COL28A1: variants seen among roughly 807,000 people sequenced by gnomAD.
COL28A1 encodes collagen alpha-1(XXVIII) chain.
In COL28A1, 161 loss-of-function variants were observed where a neutral mutation model predicts 150.2. That is an observed-to-expected ratio of 1.07 (90% CI 0.94 to 1.22). The LOEUF is 1.22. COL28A1 is among the 50% of genes most tolerant of loss of function. The pLI, the probability that COL28A1 is intolerant of heterozygous loss-of-function variation, is 0.00. For missense variants in COL28A1, 1,617 were observed against 1,388.3 expected, an observed-to-expected ratio of 1.16 and a Z score of -2.62; for synonymous variants, 552 against 469.7, an observed-to-expected ratio of 1.18 and a Z score of -2.26.
chr7:7,425,071 T>A (rs535252971), intron 25 of COL28A1, among the ~76,000 whole-genome samples: 4 of 151,870 alleles, frequency 2.6e-5, no homozygotes, highest in African/African-American at 9.7e-5. Flanking sequence ...AAAACTATTA[T>A]AATAAATAAT....
At chr7:7,517,950 A>T in intron 6 of COL28A1, 113 bp from the exon 7 acceptor site, 4 of 1,178,450 alleles carry the variant, frequency 3.4e-6, no homozygotes, top group African/African-American at 1.6e-5. Context: ...AAACATCTTT[A>T]GTCTTTCCCG....
At chr7:7,457,247 G>A (rs1376105607) in intron 15 of COL28A1, among the ~76,000 whole-genome samples, 1 of 152,190 alleles carries the variant, frequency 6.6e-6, no homozygotes, top group African/African-American at 2.4e-5. Flanking sequence ...CCATCTGGAA[G>A]CTGTATGGAG....
chr7:7,477,256 G>A (rs1184685141), intron 13 of COL28A1, 76 bp from the exon 14 acceptor site: 1 of 790,876 alleles, frequency 1.3e-6, no homozygotes. Context: ...AGAGGAAAGA[G>A]GAAGAAAGAG....
At position 7,396,858 on chromosome 7, in the gene COL28A1, T is replaced by C. The variant is rs140575165; in HGVS notation, c.2137-15246A>G. ...GATGCAGGGACTGATTTTGAGTCTG[T>C]TCCTAAAAACAGTTTAAAACCTGCA... On this transcript the variant is annotated intron_variant, in intron 27 of 34. Coordinates refer to ENST00000399429, the MANE Select transcript of COL28A1 (RefSeq NM_001037763.3). 4.6e-5 allele frequency among the ~76,000 whole-genome samples: 7 copies of C among 152,314 alleles called. No individual in the cohort carries two copies. The East Asian group carries it at 1.4e-3, about 29-fold the overall frequency.
chr7:7,477,731 T>G (rs889166426), intron 13 of COL28A1, among the ~76,000 whole-genome samples: 3 of 152,142 alleles, frequency 2.0e-5, no homozygotes, highest in African/African-American at 7.2e-5. Flanking sequence ...AGCAGTAAGA[T>G]ATACAGCAAA....
chr7:7,479,673 T>C (rs899033026), intron 13 of COL28A1, among the ~76,000 whole-genome samples: 2 of 152,230 alleles, frequency 1.3e-5, no homozygotes, highest in Non-Finnish European at 2.9e-5. Context: ...TGATTTTCAA[T>C]TGCAATGATT....
chr7:7,444,173 T>C (rs560142798), intron 19 of COL28A1, among the ~76,000 whole-genome samples: 1 of 152,126 alleles, frequency 6.6e-6, no homozygotes, highest in East Asian at 1.9e-4. Flanking sequence ...CTAGAAATCC[T>C]GAAGAAACTA....
intron 9 of COL28A1, among the ~76,000 whole-genome samples, chr7:7,509,441 A>C (rs1285815732): frequency 3.9e-5 from 6 of 152,106 alleles, no homozygotes; most frequent in Non-Finnish European, 8.8e-5. Context: ...TTTCTTATTT[A>C]TTAGCCATTT....
At chr7:7,374,945 A>G (rs1781464191) in intron 31 of COL28A1, among the ~76,000 whole-genome samples, 1 of 152,190 alleles carries the variant, frequency 6.6e-6, no homozygotes, top group Non-Finnish European at 1.5e-5. Context: ...TAAGTCTACC[A>G]TTCAGTCATG....
chr7:7,361,946 C>T (rs1327391197), intron 33 of COL28A1, among the ~76,000 whole-genome samples: 3 of 152,080 alleles, frequency 2.0e-5, no homozygotes, highest in Non-Finnish European at 2.9e-5. Flanking sequence ...AACCAAACAC[C>T]ACATGTTCTC....
At chr7:7,464,305 A>G (rs1375020802) in intron 15 of COL28A1, among the ~76,000 whole-genome samples, 1 of 152,236 alleles carries the variant, frequency 6.6e-6, no homozygotes, top group East Asian at 1.9e-4. Context: ...ACCCTGGAAC[A>G]AACGGACTTA....
intron 31 of COL28A1, among the ~76,000 whole-genome samples, chr7:7,375,207 C>T (rs530259058): frequency 3.3e-5 from 5 of 152,280 alleles, no homozygotes; most frequent in Non-Finnish European, 7.4e-5. Flanking sequence ...ACAAAAGGCC[C>T]GGCTGCCTAC....
chr7:7,384,545 T>C (rs1160789383), intron 27 of COL28A1, among the ~76,000 whole-genome samples: 1 of 152,242 alleles, frequency 6.6e-6, no homozygotes, highest in Non-Finnish European at 1.5e-5. Flanking sequence ...TGTTCTATTT[T>C]ATTATGTGTT....
At chr7:7,374,182 C>T (rs1340428975) in intron 31 of COL28A1, among the ~76,000 whole-genome samples, 1 of 151,742 alleles carries the variant, frequency 6.6e-6, no homozygotes, top group Admixed American at 6.6e-5. Flanking sequence ...AATAACATTC[C>T]TCTTCCTCTC....
intron 25 of COL28A1, among the ~76,000 whole-genome samples, chr7:7,426,146 G>A (rs1784632289): frequency 6.6e-6 from 1 of 152,166 alleles, no homozygotes; most frequent in Non-Finnish European, 1.5e-5. Flanking sequence ...GCCTCTTAAG[G>A]ATGTTCCAAG....
rs2128281729 is a variant in COL28A1 at position 7,368,204 on chromosome 7, C to G, written c.3066+2521G>C. 2.0e-5 allele frequency among the ~76,000 whole-genome samples: 3 copies of G among 151,918 alleles called. No individual in the cohort carries two copies. In the East Asian group the frequency reaches 5.8e-4, roughly 29 times the overall value. ...AAACTCCTCTGCTGTCTCTGCCTGC[C>G]TGGCCTATAGATGAAGTTCAAGCTC... On this transcript the variant is annotated intron_variant, in intron 33 of 34. Transcript: ENST00000399429.
At chr7:7,470,159 C>T (rs1788308648) in intron 15 of COL28A1, among the ~76,000 whole-genome samples, 2 of 22,524 alleles carry the variant, frequency 8.9e-5, no homozygotes, top group Non-Finnish European at 1.5e-4. Context: ...AAACTACCAT[C>T]AGAGTGAACA....
chr7:7,383,288 GTTTTT>G (rs1160911194), intron 27 of COL28A1, among the ~76,000 whole-genome samples: 5 of 94,588 alleles, frequency 5.3e-5, no homozygotes, highest in African/African-American at 1.6e-4. Flanking sequence ...GTGTGTGTGT[GTTTTT>G]TTTGAGACAG....
intron 25 of COL28A1, among the ~76,000 whole-genome samples, chr7:7,427,030 A>T (rs1029452629): frequency 6.6e-6 from 1 of 152,192 alleles, no homozygotes; most frequent in African/African-American, 2.4e-5. Context: ...TGTTAAGGGG[A>T]TTTACCATGT....
Sources: gnomAD v4.1 joint callset for allele counts (sites outside exome capture counted in the v4.1 genomes callset) on GRCh38, gnomAD v4.1.1 for gene constraint, MANE v1.5 for transcripts, NCBI Gene and HGNC (gene_info 2026-07-23, HGNC 2026-07-21) for gene names.